SNTB1: variants seen among roughly 807,000 people sequenced by gnomAD.
The protein encoded by SNTB1 is beta-1-syntrophin.
Under a neutral mutation model 48.9 loss-of-function variants are expected in SNTB1, and 36 were observed. The ratio of observed to expected loss-of-function variants is 0.74; its 90% CI spans 0.56 to 0.97. SNTB1 has a LOEUF of 0.97. Ranked by LOEUF, SNTB1 falls within the 50% of genes least tolerant of loss-of-function variation. The probability of loss-of-function intolerance (pLI) is 0.00; values close to 1 mark genes in which losing one functional copy is unlikely to be tolerated. For missense variants in SNTB1, 786 were observed against 703.4 expected, an observed-to-expected ratio of 1.12 and a Z score of -1.33; for synonymous variants, 299 against 294.6, an observed-to-expected ratio of 1.01 and a Z score of -0.15.
At chr8:120,698,098 C>T (rs1042257515) in intron 1 of SNTB1, among the ~76,000 whole-genome samples, 2 of 152,144 alleles carry the variant, frequency 1.3e-5, no homozygotes, top group African/African-American at 4.8e-5. Flanking sequence ...GATGCCAAGA[C>T]ACCAACCCAA....
chr8:120,640,532 T>C (rs1817173773), intron 2 of SNTB1, among the ~76,000 whole-genome samples: 1 of 152,152 alleles, frequency 6.6e-6, no homozygotes, highest in Non-Finnish European at 1.5e-5. Flanking sequence ...AAATAGCTCT[T>C]ATTATTTTGA....
At chr8:120,587,942 A>G (rs1816175438) in intron 3 of SNTB1, among the ~76,000 whole-genome samples, 1 of 152,220 alleles carries the variant, frequency 6.6e-6, no homozygotes, top group African/African-American at 2.4e-5. Context: ...TACAGACTTT[A>G]CTTCCTTAAC....
intron 1 of SNTB1, among the ~76,000 whole-genome samples, chr8:120,739,521 C>G (rs1819008215): frequency 6.6e-6 from 1 of 152,168 alleles, no homozygotes; most frequent in South Asian, 2.1e-4. Flanking sequence ...GCAGCCCATG[C>G]AGGATCCTAA....
intron 3 of SNTB1, among the ~76,000 whole-genome samples, chr8:120,583,560 C>CACACACAAAA (rs1466831833): frequency 1.1e-4 from 15 of 134,712 alleles, no homozygotes; most frequent in African/African-American, 4.1e-4. Flanking sequence ...CACACACACA[C>CACACACAAAA]AAAACTGGAA....
At chr8:120,765,014 T>A (rs1472337087) in intron 1 of SNTB1, among the ~76,000 whole-genome samples, 1 of 151,798 alleles carries the variant, frequency 6.6e-6, no homozygotes, top group Non-Finnish European at 1.5e-5. Flanking sequence ...TCACCTGAGG[T>A]CAGGAGTTTG....
intron 2 of SNTB1, among the ~76,000 whole-genome samples, chr8:120,685,274 C>A (rs922186786): frequency 6.6e-6 from 1 of 152,208 alleles, no homozygotes. Flanking sequence ...TGGACATTGC[C>A]CTAGTGGGGG....
intron 3 of SNTB1, among the ~76,000 whole-genome samples, chr8:120,588,895 A>G (rs924827427): frequency 1.3e-5 from 2 of 152,214 alleles, no homozygotes; most frequent in Non-Finnish European, 2.9e-5. Flanking sequence ...CTAGATCTAT[A>G]GGGAGGGGCC....
intron 1 of SNTB1, among the ~76,000 whole-genome samples, chr8:120,702,658 C>G (rs1818326012): frequency 6.6e-6 from 1 of 152,194 alleles, no homozygotes; most frequent in Non-Finnish European, 1.5e-5. Flanking sequence ...ACGCCAGGCA[C>G]TGGGCTGATC....
At chr8:120,799,517 G>T (rs760806548) in intron 1 of SNTB1, among the ~76,000 whole-genome samples, 1 of 151,752 alleles carries the variant, frequency 6.6e-6, no homozygotes, top group African/African-American at 2.4e-5. Context: ...GGAACTTAGA[G>T]ATATGATAGA....
intron 2 of SNTB1, among the ~76,000 whole-genome samples, chr8:120,670,175 C>T (rs958147835): frequency 1.2e-4 from 19 of 152,214 alleles, no homozygotes; most frequent in African/African-American, 4.3e-4. Context: ...GCATGGATAA[C>T]AAGAAGGATT....
At position 120,628,453 on chromosome 8, in the gene SNTB1, A is replaced by G. The variant is rs550943233; in HGVS notation, c.996+3991T>C. 1.3e-4 allele frequency among the ~76,000 whole-genome samples: 20 copies of G among 152,262 alleles called. 1 individual carries two copies. In the South Asian group the frequency reaches 3.9e-3, roughly 30 times the overall value. ...ATCTTGGGCCAGATGGGGGCTTGCAAGGAGTTAAAAGATGTGAGGCTGGCT... is the reference window on the plus strand; with the variant it reads ...ATCTTGGGCCAGATGGGGGCTTGCAGGGAGTTAAAAGATGTGAGGCTGGCT... On this transcript the variant is annotated intron_variant, in intron 3 of 6. Transcript: ENST00000517992.
At chr8:120,666,864 C>T (rs999299010) in intron 2 of SNTB1, among the ~76,000 whole-genome samples, 35 of 152,230 alleles carry the variant, frequency 2.3e-4, no homozygotes, top group African/African-American at 7.7e-4. Flanking sequence ...TTTCCATCCA[C>T]ACATTGTAGT....
chr8:120,604,418 C>T (rs570477526), intron 3 of SNTB1, among the ~76,000 whole-genome samples: 3 of 151,522 alleles, frequency 2.0e-5, no homozygotes, highest in African/African-American at 4.8e-5. Context: ...TCAAAGGCCA[C>T]TAATTAGCCC....
At chr8:120,783,219 CAGTT>C (rs967750709) in intron 1 of SNTB1, among the ~76,000 whole-genome samples, 25 of 152,262 alleles carry the variant, frequency 1.6e-4, no homozygotes, top group Admixed American at 3.9e-4. Flanking sequence ...TTCTCACTCT[CAGTT>C]GGTTGGTTTT....
intron 2 of SNTB1, among the ~76,000 whole-genome samples, chr8:120,678,167 A>G (rs1817869828): frequency 6.6e-6 from 1 of 152,136 alleles, no homozygotes; most frequent in African/African-American, 2.4e-5. Context: ...ATTAATGTTA[A>G]AAAACATTTT....
chr8:120,675,261 A>G (rs553695073), intron 2 of SNTB1, among the ~76,000 whole-genome samples: 2 of 152,284 alleles, frequency 1.3e-5, no homozygotes, highest in Admixed American at 1.3e-4. Context: ...AAAAAATTTC[A>G]TTTACAAAAC....
intron 6 of SNTB1, among the ~76,000 whole-genome samples, chr8:120,540,497 T>C (rs1004061271): frequency 2.6e-5 from 4 of 152,206 alleles, no homozygotes; most frequent in African/African-American, 7.2e-5. Flanking sequence ...AGGAGACTGA[T>C]TCTTGTTCTT....
At chr8:120,751,713 A>T (rs974414484) in intron 1 of SNTB1, among the ~76,000 whole-genome samples, 1 of 152,128 alleles carries the variant, frequency 6.6e-6, no homozygotes, top group Non-Finnish European at 1.5e-5. Context: ...TTCTCGAGTC[A>T]CCTACTTAAC....
In SNTB1 at chr8:120,810,806, A is replaced by G. The variant is rs865966985; in HGVS notation, c.571+467T>C. ...TTCTGCTGGGCTGCCCAGGCTTTGGAGTGGGAAATTTTGCCAAAGCGGAAA... is the reference window on the plus strand; with the variant it reads ...TTCTGCTGGGCTGCCCAGGCTTTGGGGTGGGAAATTTTGCCAAAGCGGAAA... On this transcript the variant is annotated intron_variant, in intron 1 of 6. Transcript: ENST00000517992. Among the ~76,000 whole-genome samples, 47 of 152,086 alleles carry G rather than the reference A, an allele frequency of 3.1e-4. No homozygotes were observed. The Middle Eastern group carries it at 0.01, about 33-fold the overall frequency.
Sources: gnomAD v4.1 joint callset for allele counts (sites outside exome capture counted in the v4.1 genomes callset) on GRCh38, gnomAD v4.1.1 for gene constraint, MANE v1.5 for transcripts, NCBI Gene and HGNC (gene_info 2026-07-23, HGNC 2026-07-21) for gene names.